The following MYO5B variants were observed in gnomAD, a reference collection of about 807,000 sequenced individuals.
MYO5B encodes the protein unconventional myosin-Vb.
MYO5B carries 143 observed loss-of-function variants against 229.3 expected under a neutral mutation model. The observed-to-expected ratio is 0.62, with a 90% CI of 0.54 to 0.72. MYO5B has a LOEUF of 0.72. Among genes scored for constraint, MYO5B ranks in the 30% least tolerant of loss-of-function variants. The pLI, the probability that MYO5B is intolerant of heterozygous loss-of-function variation, is 0.00. For missense variants in MYO5B, 2,321 were observed against 2,331.0 expected (o/e 1.00, Z 0.09); for synonymous variants, 918 against 885.2 (o/e 1.04, Z -0.66).
chr18:49,827,446 G>A (rs1325287234), intron 39 of MYO5B, among the ~76,000 whole-genome samples: 1 of 152,134 alleles, frequency 6.6e-6, no homozygotes, highest in Non-Finnish European at 1.5e-5. Context: ...TTCCACTAGT[G>A]GCATCAACTG....
chr18:50,040,954 G>A (rs2029998147), intron 2 of MYO5B, among the ~76,000 whole-genome samples: 2 of 152,300 alleles, frequency 1.3e-5, no homozygotes, highest in South Asian at 4.1e-4. Context: ...ACAACATTAA[G>A]CACCCAAAAA....
rs199737949 is a variant in MYO5B, at chr18:49,839,293, C to A, written c.4703G>T (p.Gly1568Val). 3.1e-6 allele frequency: 5 copies of A among 1,613,558 alleles called. No homozygotes were observed. The highest frequency in any genetic ancestry group is 1.7e-6 in the Non-Finnish European group (2 of 1,180,020). The change falls in exon 36 of 40, where the codon GGC becomes GTC. Residue 1568 changes from glycine to valine, a missense_variant and splice_region_variant. By Grantham distance (109) the Gly-to-Val change is moderately radical (BLOSUM62 -3). Around this residue, in one of 2 missense-constraint regions of MYO5B, gnomAD observed 2,113 missense variants for 2,044.7 expected, o/e 1.03. Coordinates refer to ENST00000285039, the MANE Select transcript of MYO5B (RefSeq NM_001080467.3). ...CTTTGCAGTGTTCTGAGTCATGAAG[C>A]CCTGCAGAGGGAGAGGCGTGCACTA... Reference protein sequence around the residue: ...HCLKQYSGDEGFMTQNTAKQN... With the variant: ...HCLKQYSGDEVFMTQNTAKQN...
intron 4 of MYO5B, among the ~76,000 whole-genome samples, chr18:50,006,483 A>C (rs528495075): frequency 6.6e-6 from 1 of 152,350 alleles, no homozygotes; most frequent in East Asian, 1.9e-4. Flanking sequence ...AAGGACTCAG[A>C]CAAGAGTACA....
chr18:50,125,356 C>T (rs1406772931), intron 1 of MYO5B, among the ~76,000 whole-genome samples: 4 of 132,898 alleles, frequency 3.0e-5, no homozygotes, highest in Non-Finnish European at 6.1e-5. Context: ...GAACATCACA[C>T]ACCGGACCCT....
At chr18:49,979,425 T>C (rs575600321) in intron 9 of MYO5B, among the ~76,000 whole-genome samples, 6 of 152,250 alleles carry the variant, frequency 3.9e-5, no homozygotes, top group African/African-American at 1.4e-4. Flanking sequence ...AGATTGTGTA[T>C]CCATCCATGG....
Position 49,879,516 on chromosome 18 carries a change from T to C in MYO5B, c.3131-426A>G, listed in dbSNP as rs539722516. 4.2e-4 allele frequency: 101 copies of C among 242,900 alleles called. 1 individual carries two copies. Among genetic ancestry groups the C allele is most frequent in the African/African-American group, 2.0e-3 (88 of 44,488 alleles). 15.0% of individuals were successfully genotyped at this position (242,900 alleles called of 1,614,324 possible). A position where few individuals can be genotyped will look rare whatever the true frequency, so the allele number is the denominator to read the frequency against. ...CTGGGGTAAAAGGAAAGAAGGCAAA[T>C]AGAGAAGGATGGGCTACTTCCCTGC... is the stretch of plus-strand genomic sequence containing the variant. On this transcript the variant is annotated intron_variant, in intron 23 of 39. Transcript: ENST00000285039.
intron 4 of MYO5B, among the ~76,000 whole-genome samples, chr18:50,032,937 A>G (rs536976702): frequency 1.8e-4 from 28 of 152,218 alleles, no homozygotes; most frequent in African/African-American, 4.6e-4. Flanking sequence ...CAGTGAGCCA[A>G]GATTGCACCA....
chr18:49,915,286 C>T (rs538318350), intron 17 of MYO5B, among the ~76,000 whole-genome samples: 1 of 151,000 alleles, frequency 6.6e-6, no homozygotes, highest in East Asian at 1.9e-4. Context: ...CCCTATTCTG[C>T]CCTATTCTCC....
At chr18:50,146,586 T>G (rs1461608286) in intron 1 of MYO5B, among the ~76,000 whole-genome samples, 1 of 152,178 alleles carries the variant, frequency 6.6e-6, no homozygotes, top group Non-Finnish European at 1.5e-5. Context: ...TAGATATCTT[T>G]AGCGAAAAAG....
At chr18:49,948,881 A>G (rs1358491517) in intron 14 of MYO5B, among the ~76,000 whole-genome samples, 1 of 152,148 alleles carries the variant, frequency 6.6e-6, no homozygotes, top group Non-Finnish European at 1.5e-5. Context: ...GTGAATTTGT[A>G]TTTTATTTTA....
At position 50,082,723 on chromosome 18, in the gene MYO5B, C is replaced by T. The variant is rs1434590332; in HGVS notation, c.28-27345G>A. On this transcript the variant is annotated intron_variant, in intron 1 of 39. Coordinates refer to ENST00000285039, the MANE Select transcript of MYO5B (RefSeq NM_001080467.3). ...TAGACAACGCATGCTTATTTTACTT[C>T]AGTTAAAAAATGAATGGTACCACCT... Among the ~76,000 whole-genome samples the T allele has an allele frequency of 1.1e-3, 170 of 152,136 alleles. 5 individuals carry two copies. Among genetic ancestry groups the T allele is most frequent in the Admixed American group, 0.011 (168 of 15,270 alleles).
chr18:49,888,688 C>T (rs937078077), intron 22 of MYO5B, among the ~76,000 whole-genome samples: 2 of 152,204 alleles, frequency 1.3e-5, no homozygotes, highest in Non-Finnish European at 2.9e-5. Flanking sequence ...CCTAACTCGA[C>T]CTGGGTGGGC....
At chr18:49,927,116 C>A (rs1598887385) in intron 17 of MYO5B, among the ~76,000 whole-genome samples, 1 of 152,206 alleles carries the variant, frequency 6.6e-6, no homozygotes, top group South Asian at 2.1e-4. Context: ...AAGGAATGTA[C>A]TTAATACCAC....
intron 1 of MYO5B, among the ~76,000 whole-genome samples, chr18:50,160,632 G>C (rs2032751036): frequency 6.6e-6 from 1 of 152,096 alleles, no homozygotes; most frequent in African/African-American, 2.4e-5. Flanking sequence ...GCAATGAGAG[G>C]GTCGGGGGGT....
intron 1 of MYO5B, among the ~76,000 whole-genome samples, chr18:50,065,598 A>G (rs1398272557): frequency 1.3e-5 from 2 of 152,106 alleles, no homozygotes; most frequent in Non-Finnish European, 2.9e-5. Flanking sequence ...CTCATCTCCT[A>G]CCAGGTCCCT....
intron 1 of MYO5B, among the ~76,000 whole-genome samples, chr18:50,156,814 T>C (rs766199046): frequency 1.3e-5 from 2 of 152,234 alleles, no homozygotes; most frequent in Non-Finnish European, 2.9e-5. Flanking sequence ...AAGTCAGTCT[T>C]GACACCTCTC....
intron 39 of MYO5B, among the ~76,000 whole-genome samples, chr18:49,829,252 C>T (rs2023886386): frequency 6.6e-6 from 1 of 151,080 alleles, no homozygotes; most frequent in Admixed American, 6.6e-5. Context: ...GAGAAATTAG[C>T]AAATCAGAAA....
At chr18:50,019,505 T>C (rs1181675702) in intron 4 of MYO5B, among the ~76,000 whole-genome samples, 1 of 152,258 alleles carries the variant, frequency 6.6e-6, no homozygotes, top group Non-Finnish European at 1.5e-5. Flanking sequence ...GAGCCCAGCA[T>C]TCTGCTAGCT....
intron 2 of MYO5B, among the ~76,000 whole-genome samples, chr18:50,052,890 G>C (rs375182388): frequency 3.2e-4 from 48 of 152,270 alleles, no homozygotes; most frequent in African/African-American, 1.2e-3. Context: ...TCAGAGGTTA[G>C]GAATATCATT....
Sources: allele counts gnomAD v4.1 joint callset (sites outside exome capture counted in the v4.1 genomes callset), GRCh38; gene constraint gnomAD v4.1.1; regional missense constraint gnomAD v4.1.1; transcripts MANE v1.5; gene names NCBI Gene and HGNC (gene_info 2026-07-23, HGNC 2026-07-21).